PADI4: variants seen among roughly 807,000 people sequenced by gnomAD.
PADI4 encodes protein-arginine deiminase type-4.
PADI4 carries 62 observed loss-of-function variants against 75.0 expected under a neutral mutation model. The ratio of observed to expected loss-of-function variants is 0.83; its 90% CI spans 0.67 to 1.02. The LOEUF (loss-of-function observed/expected upper bound fraction) is 1.02. Ranked by LOEUF, PADI4 falls within the 50% of genes least tolerant of loss-of-function variation. The pLI is 0.00. For missense variants in PADI4, 845 were observed against 850.5 expected (o/e 0.99, Z 0.08); for synonymous variants, 361 against 348.1 (o/e 1.04, Z -0.41).
chr1:17,344,915 G>A (rs529447764), intron 8 of PADI4, among the ~76,000 whole-genome samples: 25 of 152,348 alleles, frequency 1.6e-4, no homozygotes, highest in Admixed American at 1.6e-3. Flanking sequence ...ACCACGTAGT[G>A]GAGTTGTGAG....
intron 8 of PADI4, among the ~76,000 whole-genome samples, chr1:17,343,645 A>G (rs2074462741): frequency 6.6e-6 from 1 of 152,178 alleles, no homozygotes; most frequent in African/African-American, 2.4e-5. Context: ...AGATAATTTG[A>G]ATCATGGAGG....
chr1:17,332,540 G>A (rs958364934), intron 2 of PADI4, among the ~76,000 whole-genome samples: 4 of 152,130 alleles, frequency 2.6e-5, no homozygotes, highest in African/African-American at 4.8e-5. Flanking sequence ...ATGAGCCACC[G>A]CATCTGGTCT....
At position 17,346,156 on chromosome 1, in the gene PADI4, G is replaced by A; in HGVS notation, c.1047+17G>A. The A allele has an allele frequency of 6.5e-7, 1 of 1,530,450 alleles. No individual in the cohort carries two copies. The highest frequency in any genetic ancestry group is 9.1e-7 in the Non-Finnish European group (1 of 1,104,234). The allele number at this position is 1,530,450 out of a possible 1,614,324, so 94.8% of individuals were successfully genotyped here. A position where few individuals can be genotyped will look rare whatever the true frequency, so the allele number is the denominator to read the frequency against. On this transcript the variant is annotated intron_variant, in intron 9 of 15. Coordinates refer to ENST00000375448, the MANE Select transcript of PADI4 (RefSeq NM_012387.3). This position sits in a 1 kb window ranked among gnomAD's most constrained non-coding sequence, Gnocchi z 4.3. ...TGGATGCAGGTATGTGCCCTGCGGG[G>A]CAGGCAGGGTGACTGTCCCTGAGGG...
At chr1:17,339,259 G>A (rs2074371640) in intron 5 of PADI4, among the ~76,000 whole-genome samples, 1 of 152,082 alleles carries the variant, frequency 6.6e-6, no homozygotes, top group Non-Finnish European at 1.5e-5. Context: ...GTTCAAGTTG[G>A]TTCACAAACC....
chr1:17,313,498 C>CAAAA (rs71014933), intron 1 of PADI4, among the ~76,000 whole-genome samples: 3,295 of 67,644 alleles, frequency 0.049, 267 homozygotes, highest in African/African-American at 0.07. Context: ...AAGACCTTGT[C>CAAAA]AAAAAAAAAA....
Position 17,357,936 on chromosome 1 carries a change from A to AC in PADI4, c.1559-902_1559-901insC, listed in dbSNP as rs1212203236. Among the ~76,000 whole-genome samples, 5 of 80,448 alleles carry AC rather than the reference A, an allele frequency of 6.2e-5. 1 individual carries two copies. In the East Asian group the frequency reaches 1.2e-3, roughly 20 times the overall value. 52.8% of individuals were successfully genotyped at this position (80,448 alleles called of 152,430 possible). A position where few individuals can be genotyped will look rare whatever the true frequency, so the allele number is the denominator to read the frequency against. On this transcript the variant is annotated intron_variant, in intron 13 of 15. Transcript: ENST00000375448. ...ACAGAGCAAGACTCAGTCTCAAAAA[A>AC]AAAAAAAAAAACAAGAAAATATTAA...
intron 6 of PADI4, 47 bp from the exon 7 acceptor site, chr1:17,341,896 T>C (rs774611585): frequency 2.7e-6 from 4 of 1,483,282 alleles, no homozygotes; most frequent in Admixed American, 3.6e-5. Context: ...AGGAAAAGTC[T>C]TCAGAAGTGG....
chr1:17,317,083 C>T (rs1452021719), intron 1 of PADI4, among the ~76,000 whole-genome samples: 2 of 152,166 alleles, frequency 1.3e-5, no homozygotes, highest in Admixed American at 6.5e-5. Context: ...GTACGTATGT[C>T]GCAGAGTTGT....
At chr1:17,353,578 C>T (rs1236562238) in intron 10 of PADI4, among the ~76,000 whole-genome samples, 4 of 152,136 alleles carry the variant, frequency 2.6e-5, no homozygotes, top group Non-Finnish European at 5.9e-5. Context: ...GTACCCTCTC[C>T]TGGGAGGCAG....
chr1:17,359,239 G>GC, intron 14 of PADI4, 41 bp from the exon 15 acceptor site: 1 of 408,702 alleles, frequency 2.4e-6, no homozygotes, highest in Non-Finnish European at 3.8e-6. Flanking sequence ...ACCCCCGACT[G>GC]CCATCAGTCC....
In PADI4 at chr1:17,356,955, G is replaced by T. The variant is rs528347494; in HGVS notation, c.1558+496G>T. ...AGCAGAGCTCACAGACATGGGCCAG[G>T]CCCCGGGCTGAGATGCCTCTGTGGC... On this transcript the variant is annotated intron_variant, in intron 13 of 15. Coordinates refer to ENST00000375448, the MANE Select transcript of PADI4 (RefSeq NM_012387.3). This position sits in a 1 kb window ranked among gnomAD's most constrained non-coding sequence, Gnocchi z 4.1. 6.6e-6 allele frequency among the ~76,000 whole-genome samples: 1 copy of T among 152,300 alleles called. No individual in the cohort carries two copies. The highest frequency in any genetic ancestry group is 2.4e-5 in the African/African-American group (1 of 41,566).
intron 2 of PADI4, 86 bp downstream of exon 2, chr1:17,331,235 C>A: frequency 1.7e-6 from 2 of 1,183,184 alleles, no homozygotes; most frequent in Non-Finnish European, 2.4e-6. Flanking sequence ...ATCCACAGCA[C>A]CAGCCTGGCA....
intron 1 of PADI4, among the ~76,000 whole-genome samples, chr1:17,328,233 A>G (rs1345837488): frequency 2.6e-5 from 4 of 152,260 alleles, no homozygotes; most frequent in Admixed American, 1.3e-4. Context: ...TATGTTGCCC[A>G]GGCTGGTCTC....
At chr1:17,313,736 T>C (rs960082489) in intron 1 of PADI4, among the ~76,000 whole-genome samples, 1 of 152,002 alleles carries the variant, frequency 6.6e-6, no homozygotes, top group Non-Finnish European at 1.5e-5. Flanking sequence ...GATCAGGAGA[T>C]GGCGGATGCT....
At position 17,331,084 on chromosome 1, in the gene PADI4, C is replaced by T; in HGVS notation, c.208C>T (p.Leu70=). The change falls in exon 2 of 16, where the codon CTG becomes TTG. Residue 70 remains leucine, a synonymous_variant. Transcript: ENST00000375448. ...KKSTGSSTWP[L]DPGVEVTLTM... ...ATCCACAGGTTCCTCCACATGGCCCCTGGACCCTGGGGTAGAGGTGACCCT... is the reference window on the plus strand; with the variant it reads ...ATCCACAGGTTCCTCCACATGGCCCTTGGACCCTGGGGTAGAGGTGACCCT... 1.9e-6 allele frequency: 3 copies of T among 1,612,626 alleles called. No individual in the cohort carries two copies. The highest frequency in any genetic ancestry group is 2.5e-6 in the Non-Finnish European group (3 of 1,179,330).
rs745564613 is a variant in PADI4, at chr1:17,331,159, A to G, written c.273+10A>G. The stretch of plus-strand genomic sequence containing the variant: ...CACAGGCGACCAGAAGGTGAGTGTC[A>G]TAGCTGTGGGGTGGCAGTGTGGATG... On this transcript the variant is annotated intron_variant, in intron 2 of 15. Coordinates refer to ENST00000375448, the MANE Select transcript of PADI4 (RefSeq NM_012387.3). 5.0e-6 allele frequency: 8 copies of G among 1,607,240 alleles called. No individual in the cohort carries two copies. Among genetic ancestry groups the G allele is most frequent in the East Asian group, 2.3e-5 (1 of 44,260 alleles).
At chr1:17,323,283 G>T (rs573723510) in intron 1 of PADI4, among the ~76,000 whole-genome samples, 1 of 151,548 alleles carries the variant, frequency 6.6e-6, no homozygotes, top group South Asian at 2.1e-4. Flanking sequence ...GACAGAGAGA[G>T]AATTCTATTG....
chr1:17,355,498 G>A lies in PADI4; in HGVS notation c.1311-485G>A, dbSNP rs867069883. Among the ~76,000 whole-genome samples, 45 of 150,894 alleles carry A rather than the reference G, an allele frequency of 3.0e-4. No homozygotes were observed. In the Middle Eastern group the frequency reaches 0.014, roughly 46 times the overall value. ...CGGGAGGCGGAGGTTGTAGTGAGCCGAGATTGTGCCAGCCTGGGCAACAGA... is the reference window on the plus strand; with the variant it reads ...CGGGAGGCGGAGGTTGTAGTGAGCCAAGATTGTGCCAGCCTGGGCAACAGA... On this transcript the variant is annotated intron_variant, in intron 11 of 15. Coordinates refer to ENST00000375448, the MANE Select transcript of PADI4 (RefSeq NM_012387.3).
Position 17,359,272 on chromosome 1 carries a change from T to G in PADI4, c.1630-8T>G, listed in dbSNP as rs200768727. On this transcript the variant is annotated splice_region_variant and splice_polypyrimidine_tract_variant and intron_variant, in intron 14 of 15. Transcript: ENST00000375448. Reference sequence around the variant, plus strand: ...TCCCCCACTCACTGCCCCTGCCCCTTCCCCAAGAGATGCATCGACTGGAAC... The same window carrying G: ...TCCCCCACTCACTGCCCCTGCCCCTGCCCCAAGAGATGCATCGACTGGAAC... 835 of 1,318,622 alleles carry G rather than the reference T, an allele frequency of 6.3e-4. 13 individuals carry two copies. The East Asian group carries it at 0.03, about 47-fold the overall frequency. 81.7% of individuals were successfully genotyped at this position (1,318,622 alleles called of 1,614,324 possible).
Sources: allele counts gnomAD v4.1 joint callset (sites outside exome capture counted in the v4.1 genomes callset), GRCh38; gene constraint gnomAD v4.1.1; non-coding constraint Gnocchi (gnomAD v3.1); transcripts MANE v1.5; gene names NCBI Gene and HGNC (gene_info 2026-07-23, HGNC 2026-07-21).